The following RERE variants were observed in gnomAD, a reference collection of about 807,000 sequenced individuals.
RERE encodes the protein arginine-glutamic acid dipeptide repeats, also known as arginine-glutamic acid dipeptide repeats protein.
A neutral mutation model predicts 146.1 loss-of-function variants in RERE; 40 were observed. That is an observed-to-expected ratio of 0.27 (90% CI 0.21 to 0.36). The LOEUF (loss-of-function observed/expected upper bound fraction) is 0.36. Among genes scored for constraint, RERE ranks in the 10% least tolerant of loss-of-function variants. The probability of loss-of-function intolerance (pLI) is 1.00; values close to 1 mark genes in which losing one functional copy is unlikely to be tolerated. For missense variants in RERE, 1,933 were observed against 2,138.7 expected, an observed-to-expected ratio of 0.90 and a Z score of 1.90; for synonymous variants, 1,003 against 866.0, an observed-to-expected ratio of 1.16 and a Z score of -2.78.
intron 1 of RERE, among the ~76,000 whole-genome samples, chr1:8,795,970 G>A (rs1028693954): frequency 1.0e-4 from 8 of 79,108 alleles, no homozygotes; most frequent in South Asian, 8.2e-4. Flanking sequence ...CAACAAGAAC[G>A]AAACTCCGTC....
chr1:8,438,161 TA>T (rs1341383861), intron 11 of RERE, among the ~76,000 whole-genome samples: 9 of 152,100 alleles, frequency 5.9e-5, no homozygotes, highest in African/African-American at 1.7e-4. Flanking sequence ...ATTTTAAAAA[TA>T]TTTTTTTGTA....
chr1:8,390,026 C>A (rs12046086), intron 12 of RERE, among the ~76,000 whole-genome samples: 1 of 152,216 alleles, frequency 6.6e-6, no homozygotes, highest in East Asian at 1.9e-4. Flanking sequence ...GGGTTAAGAA[C>A]AAGAGTAGTT....
chr1:8,744,400 C>T (rs1332384382), intron 1 of RERE, among the ~76,000 whole-genome samples: 1 of 152,188 alleles, frequency 6.6e-6, no homozygotes, highest in African/African-American at 2.4e-5. Flanking sequence ...GGGAGAATTC[C>T]GTTTCACCTT....
At chr1:8,602,087 A>C (rs1381369348) in intron 4 of RERE, among the ~76,000 whole-genome samples, 2 of 152,186 alleles carry the variant, frequency 1.3e-5, no homozygotes, top group African/African-American at 4.8e-5. Flanking sequence ...CATAATGGCC[A>C]AACATAAAGA....
chr1:8,636,819 A>G lies in RERE; in HGVS notation c.326-12439T>C, dbSNP rs866770637. On this transcript the variant is annotated intron_variant, in intron 2 of 22. Coordinates refer to ENST00000400908, the MANE Select transcript of RERE (RefSeq NM_001042681.2). ...GTGTGGGCTGGAGGTGGAGCAGGAG[A>G]TAGAGCATGGGAGAACAAAGAGAAT... is the stretch of plus-strand genomic sequence containing the variant. Among the ~76,000 whole-genome samples, 86 of 152,218 alleles carry G rather than the reference A, an allele frequency of 5.6e-4. 1 individual carries two copies. Among genetic ancestry groups the G allele is most frequent in the Admixed American group, 5.9e-4 (9 of 15,292 alleles).
intron 10 of RERE, among the ~76,000 whole-genome samples, chr1:8,486,923 A>AT (rs1367863358): frequency 6.6e-6 from 1 of 152,104 alleles, no homozygotes; most frequent in Non-Finnish European, 1.5e-5. Context: ...TTCCCAACTA[A>AT]TTTTTTGAGG....
At chr1:8,758,630 C>T (rs1441571394) in intron 1 of RERE, among the ~76,000 whole-genome samples, 2 of 151,892 alleles carry the variant, frequency 1.3e-5, no homozygotes, top group South Asian at 2.1e-4. Context: ...TCAAGGGGTC[C>T]TCCTGCCTCA....
At chr1:8,763,503 C>T (rs1451076794) in intron 1 of RERE, among the ~76,000 whole-genome samples, 2 of 152,146 alleles carry the variant, frequency 1.3e-5, no homozygotes, top group East Asian at 1.9e-4. Flanking sequence ...GATGTGGAGG[C>T]GCACGCCTGT....
At position 8,789,120 on chromosome 1, in the gene RERE, T is replaced by C. The variant is rs149332544; in HGVS notation, c.-145+28040A>G. Among the ~76,000 whole-genome samples the C allele has an allele frequency of 2.6e-3, 399 of 150,834 alleles. 3 individuals are homozygous for C. Among genetic ancestry groups the C allele is most frequent in the African/African-American group, 9.4e-3 (385 of 40,990 alleles). ...CTAAAGTAACTTCTATATTTGATGG[T>C]AGAATTTTTGGTAAAATTTATCTTG... On this transcript the variant is annotated intron_variant, in intron 1 of 22. Coordinates refer to ENST00000400908, the MANE Select transcript of RERE (RefSeq NM_001042681.2).
At chr1:8,798,984 G>T (rs374814744) in intron 1 of RERE, among the ~76,000 whole-genome samples, 3 of 150,706 alleles carry the variant, frequency 2.0e-5, no homozygotes, top group Non-Finnish European at 3.0e-5. Context: ...GAGCCACTGT[G>T]CCCGGCCTTT....
intron 1 of RERE, among the ~76,000 whole-genome samples, chr1:8,714,840 G>A (rs988861256): frequency 6.6e-6 from 1 of 152,030 alleles, no homozygotes; most frequent in Non-Finnish European, 1.5e-5. Context: ...ATTAATTCCA[G>A]GAAAGAAGTT....
At chr1:8,382,683 G>A (rs1294955150) in intron 12 of RERE, among the ~76,000 whole-genome samples, 7 of 152,188 alleles carry the variant, frequency 4.6e-5, no homozygotes, top group South Asian at 2.1e-4. Context: ...TCAGAACTCC[G>A]AGTGAGAACA....
At chr1:8,412,104 C>G (rs301788) in intron 12 of RERE, among the ~76,000 whole-genome samples, 1 of 152,060 alleles carries the variant, frequency 6.6e-6, no homozygotes, top group Non-Finnish European at 1.5e-5. Flanking sequence ...AGGTGCTGGA[C>G]AGATGCTGCT....
intron 10 of RERE, among the ~76,000 whole-genome samples, chr1:8,478,766 C>T (rs1264622855): frequency 6.6e-6 from 1 of 152,190 alleles, no homozygotes; most frequent in Non-Finnish European, 1.5e-5. Context: ...CTTAAAACAA[C>T]ACAACTTGCC....
At chr1:8,705,540 C>T (rs1178791016) in intron 1 of RERE, among the ~76,000 whole-genome samples, 2 of 152,168 alleles carry the variant, frequency 1.3e-5, no homozygotes, top group Non-Finnish European at 2.9e-5. Context: ...GTTATAAGTT[C>T]TCATAGAACT....
At chr1:8,803,639 T>C (rs1362160941) in intron 1 of RERE, among the ~76,000 whole-genome samples, 1 of 152,138 alleles carries the variant, frequency 6.6e-6, no homozygotes, top group Non-Finnish European at 1.5e-5. Flanking sequence ...TGAAGTGCAA[T>C]GCAGCCTTGA....
intron 1 of RERE, among the ~76,000 whole-genome samples, chr1:8,758,314 C>T (rs1288487514): frequency 6.6e-6 from 1 of 151,778 alleles, no homozygotes; most frequent in Non-Finnish European, 1.5e-5. Flanking sequence ...GATCTCCTGA[C>T]CTCCTGATCC....
At position 8,454,666 on chromosome 1, in the gene RERE, G is replaced by A. The variant is rs147965730; in HGVS notation, c.1203+11259C>T. Among the ~76,000 whole-genome samples the A allele has an allele frequency of 1.8e-4, 27 of 152,172 alleles. 1 individual carries two copies. The highest frequency in any genetic ancestry group is 4.8e-4 in the African/African-American group (20 of 41,520). ...CTAAAAATACAAAAATTGGCTGGGC[G>A]TGGTGGTGTGAGGATGTAATCCCAG... is the stretch of plus-strand genomic sequence containing the variant. On this transcript the variant is annotated intron_variant, in intron 11 of 22. Transcript: ENST00000400908.
At chr1:8,507,737 C>CTTTTTTTTT (rs58647657) in intron 8 of RERE, among the ~76,000 whole-genome samples, 1,176 of 85,896 alleles carry the variant, frequency 0.014, 136 homozygotes, top group African/African-American at 0.035. Flanking sequence ...CATCTTTTAT[C>CTTTTTTTTT]TTTTTTTTTT....
Sources: gnomAD v4.1 joint callset for allele counts (sites outside exome capture counted in the v4.1 genomes callset) on GRCh38, gnomAD v4.1.1 for gene constraint, MANE v1.5 for transcripts, NCBI Gene and HGNC (gene_info 2026-07-23, HGNC 2026-07-21) for gene names.